CTNNA2: variants seen among roughly 807,000 people sequenced by gnomAD.
CTNNA2 encodes catenin alpha 2.
Under a neutral mutation model 101.0 loss-of-function variants are expected in CTNNA2, and 42 were observed. That is an observed-to-expected ratio of 0.42 (90% confidence interval 0.32 to 0.54). The LOEUF (loss-of-function observed/expected upper bound fraction) is 0.54. Among genes scored for constraint, CTNNA2 ranks in the 20% least tolerant of loss-of-function variants. The pLI, the probability that CTNNA2 is intolerant of heterozygous loss-of-function variation, is 0.14. For missense variants in CTNNA2, 871 were observed against 1,223.1 expected (o/e 0.71, Z 4.29); for synonymous variants, 450 against 456.4 (o/e 0.99, Z 0.18).
chr2:80,332,919 A>G (rs1463722803), intron 7 of CTNNA2, among the ~76,000 whole-genome samples: 2 of 152,208 alleles, frequency 1.3e-5, no homozygotes, highest in Non-Finnish European at 2.9e-5. Flanking sequence ...ATGTTTTTAA[A>G]TGGCTGGAAA....
At chr2:80,276,680 AGAAGAG>A (rs1673933285) in intron 7 of CTNNA2, among the ~76,000 whole-genome samples, 1 of 151,902 alleles carries the variant, frequency 6.6e-6, no homozygotes, top group Non-Finnish European at 1.5e-5. Context: ...AGGAAGAAGA[AGAAGAG>A]GAGGAGGAGG....
chr2:80,276,734 C>G (rs1345552340), intron 7 of CTNNA2, among the ~76,000 whole-genome samples: 1 of 151,998 alleles, frequency 6.6e-6, no homozygotes. Flanking sequence ...CCAGATCTCA[C>G]AGGAACTAAG....
At chr2:79,584,174 T>C (rs1291720280) in intron 1 of CTNNA2, among the ~76,000 whole-genome samples, 1 of 152,204 alleles carries the variant, frequency 6.6e-6, no homozygotes, top group Non-Finnish European at 1.5e-5. Context: ...TGATGCATTC[T>C]AATTTTACTC....
chr2:80,049,511 G>T (rs990869278), intron 7 of CTNNA2, among the ~76,000 whole-genome samples: 1 of 152,116 alleles, frequency 6.6e-6, no homozygotes, highest in Non-Finnish European at 1.5e-5. Context: ...CACCTAGCTG[G>T]CTAATTTAGG....
intron 7 of CTNNA2, among the ~76,000 whole-genome samples, chr2:80,237,387 T>A (rs1442656545): frequency 6.6e-6 from 1 of 152,190 alleles, no homozygotes; most frequent in Non-Finnish European, 1.5e-5. Flanking sequence ...TTAAATGTAT[T>A]TTCAATGTAG....
chr2:80,516,998 T>C (rs746905824), intron 9 of CTNNA2, among the ~76,000 whole-genome samples: 21 of 152,294 alleles, frequency 1.4e-4, no homozygotes, highest in Non-Finnish European at 2.4e-4. Flanking sequence ...AATTGCTTTC[T>C]CTCACCCCAC....
At chr2:79,691,253 T>C (rs568749435) in intron 2 of CTNNA2, among the ~76,000 whole-genome samples, 1 of 152,040 alleles carries the variant, frequency 6.6e-6, no homozygotes, top group African/African-American at 2.4e-5. Flanking sequence ...ATAAAAGTAG[T>C]AATTTGTTCT....
intron 7 of CTNNA2, among the ~76,000 whole-genome samples, chr2:80,109,471 C>A (rs545018443): frequency 7.3e-6 from 1 of 136,500 alleles, no homozygotes; most frequent in Non-Finnish European, 1.5e-5. Context: ...AAGAAACAAA[C>A]AAACAAACAA....
At chr2:80,243,273 G>A (rs749338983) in intron 7 of CTNNA2, among the ~76,000 whole-genome samples, 40 of 152,088 alleles carry the variant, frequency 2.6e-4, no homozygotes, top group Middle Eastern at 6.8e-3. Context: ...GCTTTATTGG[G>A]ATATAATTGT....
chr2:79,651,666 A>T lies in CTNNA2; in HGVS notation c.102+8A>T. On this transcript the variant is annotated splice_region_variant and intron_variant, in intron 2 of 18. Transcript: ENST00000402739. ...GAGCCACTTGTTACACAGGTAAGGG[A>T]TGCTTTGAAACCACTTTGTTATATA... is the stretch of plus-strand genomic sequence containing the variant. 1 of 1,611,302 alleles carries T rather than the reference A, an allele frequency of 6.2e-7. No individual in the cohort carries two copies. Among genetic ancestry groups the T allele is most frequent in the Non-Finnish European group, 8.5e-7 (1 of 1,177,734 alleles).
intron 9 of CTNNA2, among the ~76,000 whole-genome samples, chr2:80,531,812 C>G (rs978511099): frequency 6.6e-6 from 1 of 152,190 alleles, no homozygotes; most frequent in African/African-American, 2.4e-5. Context: ...TGATACTTCT[C>G]TCATTTCCTG....
rs554018852 is a variant in CTNNA2 at position 79,451,243 on chromosome 2, T to C, written c.-134-53811T>C. Among the ~76,000 whole-genome samples, 88 of 152,268 alleles carry C rather than the reference T, an allele frequency of 5.8e-4. 1 individual carries two copies. The highest frequency in any genetic ancestry group is 2.1e-3 in the African/African-American group (87 of 41,564). On this transcript the variant is annotated intron_variant, in intron 4 of 21. Transcript: ENST00000466387. ...AATTTTTTCAAGTGATTGCCAAATG[T>C]GTTCAAGTGTGAGGATCCTTTTAGG... is the stretch of plus-strand genomic sequence containing the variant.
At chr2:80,090,569 A>G (rs1169317272) in intron 7 of CTNNA2, among the ~76,000 whole-genome samples, 6 of 152,018 alleles carry the variant, frequency 3.9e-5, no homozygotes, top group Non-Finnish European at 7.4e-5. Flanking sequence ...GCTCTTTCCA[A>G]ATTGAGTTAG....
At chr2:80,320,102 T>C (rs1678531136) in intron 7 of CTNNA2, among the ~76,000 whole-genome samples, 1 of 152,366 alleles carries the variant, frequency 6.6e-6, no homozygotes, top group East Asian at 1.9e-4. Context: ...ACAATAAATG[T>C]AAAGTTACTG....
At chr2:80,621,323 A>T (rs1558651840) in intron 18 of CTNNA2, among the ~76,000 whole-genome samples, 2 of 152,122 alleles carry the variant, frequency 1.3e-5, no homozygotes, top group South Asian at 2.1e-4. Context: ...TATTTTGTAC[A>T]TACAATTATT....
chr2:79,221,770 C>A (rs1410690123), intron 2 of CTNNA2, among the ~76,000 whole-genome samples: 1 of 151,980 alleles, frequency 6.6e-6, no homozygotes, highest in Non-Finnish European at 1.5e-5. Flanking sequence ...TTATAGGCAA[C>A]CCAGTCACAG....
intron 7 of CTNNA2, among the ~76,000 whole-genome samples, chr2:80,118,490 A>T (rs1701650716): frequency 6.6e-6 from 1 of 152,200 alleles, no homozygotes; most frequent in Non-Finnish European, 1.5e-5. Context: ...GTTTAGTTTA[A>T]TAAGGCTTTG....
At chr2:80,566,924 C>T (rs1405189266) in intron 12 of CTNNA2, among the ~76,000 whole-genome samples, 1 of 152,072 alleles carries the variant, frequency 6.6e-6, no homozygotes, top group Non-Finnish European at 1.5e-5. Flanking sequence ...AAGTCATAAC[C>T]AAGATTCGAG....
At chr2:79,849,932 A>G (rs1680537497) in intron 3 of CTNNA2, among the ~76,000 whole-genome samples, 1 of 152,206 alleles carries the variant, frequency 6.6e-6, no homozygotes, top group African/African-American at 2.4e-5. Flanking sequence ...CCTTGAGGGA[A>G]TATACCTTGT....
Sources: gnomAD v4.1 joint callset for allele counts (sites outside exome capture counted in the v4.1 genomes callset) on GRCh38, gnomAD v4.1.1 for gene constraint, MANE v1.5 for transcripts, NCBI Gene and HGNC (gene_info 2026-07-23, HGNC 2026-07-21) for gene names.